Variants in APBA2 observed in about 807,000 individuals in gnomAD.
The protein encoded by APBA2 is amyloid beta precursor protein binding family A member 2, also known as amyloid-beta A4 precursor protein-binding family A member 2.
A neutral mutation model predicts 75.0 loss-of-function variants in APBA2; 30 were observed. The observed-to-expected ratio is 0.40, with a 90% CI of 0.30 to 0.54. APBA2 has a LOEUF of 0.54. APBA2 is among the 20% of genes least tolerant of loss of function. APBA2 has a pLI of 0.49. For synonymous variants in APBA2, 444 were observed against 409.6 expected (o/e 1.08, Z -1.01); for missense variants, 801 against 1,016.1 (o/e 0.79, Z 2.88).
chr15:28,996,084 C>T (rs1323339011), intron 3 of APBA2, among the ~76,000 whole-genome samples: 1 of 152,200 alleles, frequency 6.6e-6, no homozygotes, highest in Admixed American at 6.5e-5. Context: ...AAGACACGCA[C>T]TCCCCATCTG....
intron 4 of APBA2, among the ~76,000 whole-genome samples, chr15:29,064,012 G>A (rs921688232): frequency 6.6e-6 from 1 of 152,122 alleles, no homozygotes; most frequent in Admixed American, 6.5e-5. Flanking sequence ...AATGTGGCTT[G>A]TGCCCTGCTG....
rs181271871 is a variant in APBA2 at position 29,073,439 on chromosome 15, C to T, written c.952-1482C>T. On this transcript the variant is annotated intron_variant, in intron 4 of 14. Coordinates refer to ENST00000683413, the MANE Select transcript of APBA2 (RefSeq NM_001353788.2). Reference sequence around the variant, plus strand: ...CATCTCAGCTCACTGCAACCTCCGCCTCTCAGGCTCAAGTGATTCTCCTGC... The same window carrying T: ...CATCTCAGCTCACTGCAACCTCCGCTTCTCAGGCTCAAGTGATTCTCCTGC... Among the ~76,000 whole-genome samples, 7 of 152,372 alleles carry T rather than the reference C, an allele frequency of 4.6e-5. No homozygotes were observed. In the South Asian group the frequency reaches 8.3e-4, roughly 18 times the overall value.
intron 4 of APBA2, among the ~76,000 whole-genome samples, chr15:29,065,023 G>A (rs1423879728): frequency 2.0e-5 from 3 of 152,096 alleles, no homozygotes; most frequent in Non-Finnish European, 4.4e-5. Flanking sequence ...GTGTGTGTGT[G>A]TGTGCACGCA....
At chr15:29,093,051 C>T in intron 6 of APBA2, 24 bp from the exon 7 acceptor site, 2 of 1,614,120 alleles carry the variant, frequency 1.2e-6, no homozygotes, top group Non-Finnish European at 1.7e-6. Context: ...TCTAGGAAGA[C>T]TCTGACTCTG....
At chr15:28,978,660 G>C (rs942362008) in intron 2 of APBA2, among the ~76,000 whole-genome samples, 1 of 152,230 alleles carries the variant, frequency 6.6e-6, no homozygotes, top group Admixed American at 6.5e-5. Context: ...AATCACCCAT[G>C]AGGATTTTTG....
chr15:29,103,791 G>C (rs1595978057), intron 10 of APBA2, among the ~76,000 whole-genome samples: 1 of 152,340 alleles, frequency 6.6e-6, no homozygotes, highest in African/African-American at 2.4e-5. Context: ...TCGTCAGGCG[G>C]AGACAGAAGC....
At chr15:29,013,082 G>C (rs956376004) in intron 3 of APBA2, among the ~76,000 whole-genome samples, 1 of 151,938 alleles carries the variant, frequency 6.6e-6, no homozygotes, top group Non-Finnish European at 1.5e-5. Context: ...CTTGGTGAGA[G>C]GATTAGTCTG....
At chr15:28,989,661 G>C (rs576066234) in intron 2 of APBA2, among the ~76,000 whole-genome samples, 1 of 152,168 alleles carries the variant, frequency 6.6e-6, no homozygotes, top group African/African-American at 2.4e-5. Flanking sequence ...AAGGCATCAG[G>C]CTCCTCACAG....
intron 2 of APBA2, among the ~76,000 whole-genome samples, chr15:28,923,436 C>A (rs2034082968): frequency 6.6e-6 from 1 of 152,152 alleles, no homozygotes; most frequent in African/African-American, 2.4e-5. Flanking sequence ...GTTATGTCAT[C>A]ATTTAGGTGA....
chr15:29,002,039 G>T (rs538282361), intron 3 of APBA2, among the ~76,000 whole-genome samples: 10 of 152,226 alleles, frequency 6.6e-5, no homozygotes, highest in African/African-American at 2.4e-4. Flanking sequence ...ATAGTCCCCG[G>T]TCACATTAGG....
At chr15:28,915,255 C>T (rs1309993084) in intron 1 of APBA2, among the ~76,000 whole-genome samples, 52 of 142,432 alleles carry the variant, frequency 3.7e-4, no homozygotes, top group East Asian at 8.5e-4. Context: ...CCACACACCA[C>T]ACACATAGCC....
intron 2 of APBA2, among the ~76,000 whole-genome samples, chr15:28,975,327 C>T (rs1307865157): frequency 6.6e-6 from 1 of 151,994 alleles, no homozygotes; most frequent in Non-Finnish European, 1.5e-5. Flanking sequence ...GAAAAAGAAA[C>T]CTTAAGATTA....
At chr15:28,996,668 G>A (rs1490566136) in intron 3 of APBA2, among the ~76,000 whole-genome samples, 2 of 152,206 alleles carry the variant, frequency 1.3e-5, no homozygotes, top group Non-Finnish European at 2.9e-5. Context: ...AGTTAAAGAA[G>A]CAGAGCCAGG....
chr15:29,045,728 C>T (rs993052263), intron 3 of APBA2, among the ~76,000 whole-genome samples: 16 of 152,294 alleles, frequency 1.1e-4, no homozygotes, highest in African/African-American at 3.9e-4. Context: ...ACCAAACAAA[C>T]ACTGGCTTTC....
At chr15:29,041,496 A>G (rs1052661198) in intron 3 of APBA2, among the ~76,000 whole-genome samples, 10 of 151,726 alleles carry the variant, frequency 6.6e-5, no homozygotes, top group Non-Finnish European at 1.3e-4. Context: ...AAAAAAAAAA[A>G]AAAAGCAATT....
At chr15:29,100,889 G>T (rs1247551152) in intron 9 of APBA2, among the ~76,000 whole-genome samples, 1 of 152,200 alleles carries the variant, frequency 6.6e-6, no homozygotes, top group Non-Finnish European at 1.5e-5. Flanking sequence ...ACGCCTCCCT[G>T]GGTTCTGCAC....
At chr15:28,987,727 G>GATATATATATAT (rs1252518408) in intron 2 of APBA2, among the ~76,000 whole-genome samples, 47 of 115,088 alleles carry the variant, frequency 4.1e-4, no homozygotes, top group African/African-American at 1.9e-3. Context: ...TATGTGGAGA[G>GATATATATATAT]AGATATATAT....
intron 10 of APBA2, 75 bp from the exon 11 acceptor site, chr15:29,105,304 C>T (rs922494044): frequency 3.2e-5 from 47 of 1,482,948 alleles, no homozygotes; most frequent in Middle Eastern, 2.1e-4. Context: ...CCAGCCCTGC[C>T]GCAGCCCCCT....
At chr15:29,066,863 C>T (rs117470407) in intron 4 of APBA2, among the ~76,000 whole-genome samples, 2,152 of 152,258 alleles carry the variant, frequency 0.014, 51 homozygotes, top group Admixed American at 0.055. Context: ...TATTCTTGCA[C>T]TGCTTTAAAG....
Sources: gnomAD v4.1 joint callset for allele counts (sites outside exome capture counted in the v4.1 genomes callset) on GRCh38, gnomAD v4.1.1 for gene constraint, MANE v1.5 for transcripts, NCBI Gene and HGNC (gene_info 2026-07-23, HGNC 2026-07-21) for gene names.